The following NEK6 variants were observed in gnomAD, a reference collection of about 807,000 sequenced individuals.
The protein encoded by NEK6 is serine/threonine-protein kinase Nek6.
In NEK6, 27 loss-of-function variants were observed where a neutral mutation model predicts 43.5. That is an observed-to-expected ratio of 0.62 (90% CI 0.46 to 0.86). The LOEUF (loss-of-function observed/expected upper bound fraction) is 0.86. Ranked by LOEUF, NEK6 falls within the 40% of genes least tolerant of loss-of-function variation. The pLI, the probability that NEK6 is intolerant of heterozygous loss-of-function variation, is 0.00. For missense variants in NEK6, 318 were observed against 414.4 expected, an observed-to-expected ratio of 0.77 and a Z score of 2.02; for synonymous variants, 167 against 164.1, an observed-to-expected ratio of 1.02 and a Z score of -0.14.
chr9:124,310,752 C>G (rs1833489045), intron 2 of NEK6, among the ~76,000 whole-genome samples: 1 of 152,042 alleles, frequency 6.6e-6, no homozygotes, highest in African/African-American at 2.4e-5. Flanking sequence ...GCACCCACCA[C>G]CACACCCGGC....
chr9:124,315,377 C>T (rs556386482), intron 4 of NEK6, among the ~76,000 whole-genome samples: 49 of 152,292 alleles, frequency 3.2e-4, no homozygotes, highest in African/African-American at 1.2e-3. Context: ...AAAAGGGGAG[C>T]CCCTGAAGTG....
At chr9:124,350,735 G>A in intron 9 of NEK6, 102 bp from the exon 10 acceptor site, 1 of 804,266 alleles carries the variant, frequency 1.2e-6, no homozygotes, top group South Asian at 1.4e-5. Flanking sequence ...GGACCATCTA[G>A]TTGCTCTGAG....
intron 7 of NEK6, among the ~76,000 whole-genome samples, chr9:124,330,011 A>G (rs1320473073): frequency 6.6e-6 from 1 of 152,142 alleles, no homozygotes; most frequent in East Asian, 1.9e-4. Context: ...CTCATCTCCT[A>G]AGGCTGCTGA....
chr9:124,341,328 C>T (rs1588542372), intron 8 of NEK6, among the ~76,000 whole-genome samples: 1 of 152,174 alleles, frequency 6.6e-6, no homozygotes, highest in Non-Finnish European at 1.5e-5. Context: ...AGGTGTGGTC[C>T]TTGTGGAACT....
At chr9:124,310,292 G>T (rs1398087988) in intron 2 of NEK6, among the ~76,000 whole-genome samples, 1 of 152,280 alleles carries the variant, frequency 6.6e-6, no homozygotes, top group South Asian at 2.1e-4. Flanking sequence ...CGTGGGCGGT[G>T]TCTGCACAGA....
At chr9:124,349,469 C>T (rs1830132792) in intron 9 of NEK6, among the ~76,000 whole-genome samples, 1 of 152,208 alleles carries the variant, frequency 6.6e-6, no homozygotes, top group East Asian at 1.9e-4. Context: ...CTTTCCTGGC[C>T]ACGAGCCCCC....
At chr9:124,258,858 G>C (rs550634403) in intron 1 of NEK6, among the ~76,000 whole-genome samples, 1 of 152,242 alleles carries the variant, frequency 6.6e-6, no homozygotes, top group Non-Finnish European at 1.5e-5. Flanking sequence ...CTGGGCGAGC[G>C]GAGGCTGTGG....
At chr9:124,336,022 C>A (rs1412803628) in intron 7 of NEK6, among the ~76,000 whole-genome samples, 3 of 152,010 alleles carry the variant, frequency 2.0e-5, no homozygotes, top group Non-Finnish European at 4.4e-5. Flanking sequence ...GGCAGATACC[C>A]AAGGTCAAGA....
intron 4 of NEK6, among the ~76,000 whole-genome samples, chr9:124,319,914 T>C (rs1833984148): frequency 6.6e-6 from 1 of 152,198 alleles, no homozygotes; most frequent in African/African-American, 2.4e-5. Context: ...GATTGCTTTG[T>C]GTGCCGCCTT....
chr9:124,315,816 C>G (rs1833785777), intron 4 of NEK6, among the ~76,000 whole-genome samples: 1 of 152,234 alleles, frequency 6.6e-6, no homozygotes, highest in Non-Finnish European at 1.5e-5. Flanking sequence ...CCAAGGGCAC[C>G]AAGCCGGGGT....
At chr9:124,313,784 TG>T in intron 3 of NEK6, 138 bp from the exon 4 acceptor site, 1 of 761,128 alleles carries the variant, frequency 1.3e-6, no homozygotes, top group Non-Finnish European at 2.2e-6. Flanking sequence ...CTACAGGGGC[TG>T]GGAGTGCAGG....
At chr9:124,272,782 C>G (rs908711569) in intron 1 of NEK6, among the ~76,000 whole-genome samples, 1 of 152,156 alleles carries the variant, frequency 6.6e-6, no homozygotes, top group Non-Finnish European at 1.5e-5. Flanking sequence ...CCTATTAATT[C>G]ATTTTACAGA....
At chr9:124,296,013 G>A (rs1284511565) in intron 1 of NEK6, among the ~76,000 whole-genome samples, 1 of 152,264 alleles carries the variant, frequency 6.6e-6, no homozygotes, top group Non-Finnish European at 1.5e-5. Context: ...TGTTGAAGTT[G>A]GTCCGGCCTT....
intron 1 of NEK6, among the ~76,000 whole-genome samples, chr9:124,287,154 G>A (rs1002870536): frequency 4.6e-5 from 7 of 152,140 alleles, no homozygotes; most frequent in African/African-American, 9.7e-5. Flanking sequence ...GCCTAGTGAT[G>A]GGGATCCCTA....
At chr9:124,350,398 G>C (rs1346911636) in intron 9 of NEK6, among the ~76,000 whole-genome samples, 1 of 139,550 alleles carries the variant, frequency 7.2e-6, no homozygotes, top group African/African-American at 2.6e-5. Flanking sequence ...GGCCGGGGGT[G>C]GGCAGACTGC....
intron 1 of NEK6, among the ~76,000 whole-genome samples, chr9:124,270,073 C>G (rs1046582104): frequency 6.6e-6 from 1 of 152,152 alleles, no homozygotes; most frequent in African/African-American, 2.4e-5. Context: ...TTCCACGCCC[C>G]CCCCCCATGC....
intron 1 of NEK6, among the ~76,000 whole-genome samples, chr9:124,283,516 C>T (rs141108341): frequency 6.6e-6 from 1 of 152,194 alleles, no homozygotes; most frequent in East Asian, 1.9e-4. Context: ...GACTTGGTAT[C>T]GCGGGAGGGA....
Position 124,347,726 on chromosome 9 carries a change from C to T in NEK6, c.735C>T (p.Ser245=), listed in dbSNP as rs755232313. The stretch of plus-strand genomic sequence containing the variant: ...CCTTGCAGATGGCAGCCCTCCAGAG[C>T]CCCTTCTATGGAGATAAGATGAATC... ...CLLYEMAALQ[S]PFYGDKMNLF... Residue 245 remains serine, a synonymous_variant, in exon 9 of 10, where the codon AGC becomes AGT. Transcript: ENST00000320246. 2 of 1,604,916 alleles carry T rather than the reference C, an allele frequency of 1.2e-6. No homozygotes were observed. The highest frequency in any genetic ancestry group is 1.7e-6 in the Non-Finnish European group (2 of 1,174,594).
intron 4 of NEK6, among the ~76,000 whole-genome samples, chr9:124,315,350 A>G (rs1833762950): frequency 6.6e-6 from 1 of 152,202 alleles, no homozygotes; most frequent in East Asian, 1.9e-4. Flanking sequence ...CAGCAGAGCC[A>G]GATACACACT....
Sources: gnomAD v4.1 joint callset for allele counts (sites outside exome capture counted in the v4.1 genomes callset) on GRCh38, gnomAD v4.1.1 for gene constraint, MANE v1.5 for transcripts, NCBI Gene and HGNC (gene_info 2026-07-23, HGNC 2026-07-21) for gene names.